The following COL13A1 variants were observed in gnomAD, a reference collection of about 807,000 sequenced individuals.
COL13A1 encodes collagen type XIII alpha 1 chain.
COL13A1 carries 89 observed loss-of-function variants against 130.9 expected under a neutral mutation model. The ratio of observed to expected loss-of-function variants is 0.68; its 90% CI spans 0.57 to 0.81. The LOEUF is 0.81. Ranked by LOEUF, COL13A1 falls within the 30% of genes least tolerant of loss-of-function variation. COL13A1 has a pLI of 0.00. For synonymous variants in COL13A1, 402 were observed against 341.6 expected (o/e 1.18, Z -1.95); for missense variants, 879 against 934.6 (o/e 0.94, Z 0.78).
intron 20 of COL13A1, among the ~76,000 whole-genome samples, 185 bp downstream of exon 20, chr10:69,919,273 G>A (rs2064322002): frequency 6.6e-6 from 1 of 152,160 alleles, no homozygotes; most frequent in South Asian, 2.1e-4. Flanking sequence ...CTGGGTCCTG[G>A]CCTGCAGGCA....
intron 1 of COL13A1, among the ~76,000 whole-genome samples, chr10:69,813,401 G>T (rs138056133): frequency 6.6e-6 from 1 of 152,224 alleles, no homozygotes; most frequent in Non-Finnish European, 1.5e-5. Context: ...TCACATAGGG[G>T]TATGTGCCTC....
At chr10:69,827,430 G>A (rs1294060228) in intron 2 of COL13A1, among the ~76,000 whole-genome samples, 1 of 152,194 alleles carries the variant, frequency 6.6e-6, no homozygotes, top group Non-Finnish European at 1.5e-5. Context: ...GCTTATTGAT[G>A]TCTGCTCTGG....
chr10:69,905,102 ACAC>A, intron 16 of COL13A1, 143 bp downstream of exon 16: 1 of 927,418 alleles, frequency 1.1e-6, no homozygotes, highest in Non-Finnish European at 1.6e-6. Flanking sequence ...CACTTACAAA[ACAC>A]CACCCTTCTC....
At chr10:69,858,615 C>G (rs980282517) in intron 2 of COL13A1, among the ~76,000 whole-genome samples, 2 of 152,164 alleles carry the variant, frequency 1.3e-5, no homozygotes, top group Non-Finnish European at 2.9e-5. Flanking sequence ...GGATGGAGTT[C>G]GTGATCAGTC....
chr10:69,877,833 C>T (rs2134234751), intron 5 of COL13A1, among the ~76,000 whole-genome samples: 1 of 152,308 alleles, frequency 6.6e-6, no homozygotes, highest in Non-Finnish European at 1.5e-5. Context: ...GCGCCTTCCA[C>T]ATGCCACATG....
chr10:69,956,004 A>T (rs183528474), intron 39 of COL13A1: 13 of 152,264 alleles, frequency 8.5e-5, no homozygotes, highest in Admixed American at 8.5e-4. Flanking sequence ...GCGTGGGTGG[A>T]TGACGTCAGA....
chr10:69,884,576 G>A (rs2060442506), intron 7 of COL13A1, among the ~76,000 whole-genome samples: 1 of 152,346 alleles, frequency 6.6e-6, no homozygotes, highest in South Asian at 2.1e-4. Context: ...GCTTTCAGAA[G>A]TGGGGACCTC....
rs771695799 is a variant in COL13A1, at chr10:69,923,790, C to T, written c.1231-12C>T. The T allele has an allele frequency of 3.1e-6, 5 of 1,608,100 alleles. No homozygotes were observed. The highest frequency in any genetic ancestry group is 2.5e-6 in the Non-Finnish European group (3 of 1,177,658). On this transcript the variant is annotated splice_polypyrimidine_tract_variant and intron_variant, in intron 23 of 40. Transcript: ENST00000645393. ...CAGCATGCCCTCATCCCAACTCTCT[C>T]CTCTTCCCCAGGGAGAAGCAGGTGT...
chr10:69,900,377 A>G (rs1305695456), intron 14 of COL13A1, among the ~76,000 whole-genome samples: 1 of 152,216 alleles, frequency 6.6e-6, no homozygotes, highest in Admixed American at 6.5e-5. Context: ...GAAGAACTCA[A>G]GAGGGGTGCA....
At chr10:69,935,629 A>C (rs961654714) in intron 32 of COL13A1, among the ~76,000 whole-genome samples, 1 of 152,332 alleles carries the variant, frequency 6.6e-6, no homozygotes, top group East Asian at 1.9e-4. Context: ...GGGCAGCCCC[A>C]GGGTCCCTTG....
chr10:69,840,973 C>T (rs1391479616), intron 2 of COL13A1, among the ~76,000 whole-genome samples: 1 of 152,104 alleles, frequency 6.6e-6, no homozygotes, highest in African/African-American at 2.4e-5. Context: ...GGAGGACACT[C>T]CTCTGTCACC....
At chr10:69,889,982 G>C (rs2061008290) in intron 10 of COL13A1, among the ~76,000 whole-genome samples, 1 of 152,088 alleles carries the variant, frequency 6.6e-6, no homozygotes, top group African/African-American at 2.4e-5. Context: ...TCCCTTCCTG[G>C]GAGTTTCTGT....
chr10:69,892,450 T>C (rs2061271470), intron 10 of COL13A1, among the ~76,000 whole-genome samples: 1 of 152,084 alleles, frequency 6.6e-6, no homozygotes, highest in Non-Finnish European at 1.5e-5. Context: ...TGTATAATAG[T>C]GTAGTTGGGG....
chr10:69,829,226 CTTGTTCAGGG>C, intron 2 of COL13A1: 1 of 985,400 alleles, frequency 1.0e-6, no homozygotes, highest in Non-Finnish European at 1.2e-6. Context: ...CGTCATCACC[CTTGTTCAGGG>C]TGCTGCCACC....
At chr10:69,816,164 G>T (rs1844446519) in intron 1 of COL13A1, among the ~76,000 whole-genome samples, 1 of 149,534 alleles carries the variant, frequency 6.7e-6, no homozygotes, top group Non-Finnish European at 1.5e-5. Flanking sequence ...TCGTTAGAAG[G>T]TTATCACAGT....
chr10:69,840,412 T>C (rs1851286867), intron 2 of COL13A1, among the ~76,000 whole-genome samples: 1 of 152,152 alleles, frequency 6.6e-6, no homozygotes, highest in Admixed American at 6.5e-5. Flanking sequence ...CCCCTTCCAC[T>C]TCACCAGCTT....
chr10:69,902,943 C>T (rs916543158), intron 15 of COL13A1, 88 bp downstream of exon 15: 8 of 1,057,220 alleles, frequency 7.6e-6, no homozygotes, highest in Admixed American at 3.2e-5. Flanking sequence ...GGGTCCCCTA[C>T]AAAAAGCAGA....
In COL13A1 at chr10:69,902,798, C is replaced by T; in HGVS notation, c.801C>T (p.Pro267=). Residue 267 remains proline, a synonymous_variant, in exon 15 of 41, where the codon CCC becomes CCT. Transcript: ENST00000645393. ...SIQGPPGPPG[P]PGPSGPLGHP... ...AAGGTCCACCAGGGCCCCCAGGCCC[C>T]CCTGGACCAAGTGGACCTCTGGGGC... 6.4e-7 allele frequency: 1 copy of T among 1,553,788 alleles called. No homozygotes were observed. The highest frequency in any genetic ancestry group is 8.7e-7 in the Non-Finnish European group (1 of 1,148,188).
chr10:69,908,827 A>G (rs1320542289), intron 17 of COL13A1, among the ~76,000 whole-genome samples: 1 of 152,226 alleles, frequency 6.6e-6, no homozygotes, highest in Non-Finnish European at 1.5e-5. Flanking sequence ...CTAGTGTGGA[A>G]GAAGGATCAT....
Sources: allele counts gnomAD v4.1 joint callset (sites outside exome capture counted in the v4.1 genomes callset), GRCh38; gene constraint gnomAD v4.1.1; transcripts MANE v1.5; gene names NCBI Gene and HGNC (gene_info 2026-07-23, HGNC 2026-07-21).